EYS: variants seen among roughly 807,000 people sequenced by gnomAD.
EYS encodes protein eyes shut homolog.
Under a neutral mutation model 282.1 loss-of-function variants are expected in EYS, and 250 were observed. The observed-to-expected ratio is 0.89, with a 90% CI of 0.80 to 0.98. The LOEUF is 0.98. Among genes scored for constraint, EYS ranks in the 50% least tolerant of loss-of-function variants. The pLI, the probability that EYS is intolerant of heterozygous loss-of-function variation, is 0.00. For synonymous variants in EYS, 1,355 were observed against 1,282.9 expected, an observed-to-expected ratio of 1.06 and a Z score of -1.20; for missense variants, 4,016 against 3,709.0, an observed-to-expected ratio of 1.08 and a Z score of -2.15.
At chr6:64,294,995 T>C (rs1768862564) in intron 30 of EYS, among the ~76,000 whole-genome samples, 1 of 152,116 alleles carries the variant, frequency 6.6e-6, no homozygotes, top group African/African-American at 2.4e-5. Context: ...CTAATTTTTG[T>C]GGAACACAGT....
chr6:64,680,084 A>G (rs61003267), intron 22 of EYS, among the ~76,000 whole-genome samples: 3,177 of 151,754 alleles, frequency 0.021, 78 homozygotes, highest in East Asian at 0.11. Flanking sequence ...TAGATGATGG[A>G]AAAAAAAACC....
intron 36 of EYS, among the ~76,000 whole-genome samples, chr6:63,811,390 T>C (rs1771042750): frequency 1.3e-5 from 2 of 152,258 alleles, no homozygotes. Context: ...TTATTCAGTG[T>C]CTCAGAAGCA....
At chr6:65,509,107 G>T (rs1440425878) in intron 2 of EYS, among the ~76,000 whole-genome samples, 1 of 152,180 alleles carries the variant, frequency 6.6e-6, no homozygotes, top group Non-Finnish European at 1.5e-5. Flanking sequence ...TAACATAAGA[G>T]GAGTAACGTA....
At chr6:65,027,352 T>C (rs540885557) in intron 13 of EYS, among the ~76,000 whole-genome samples, 3 of 152,178 alleles carry the variant, frequency 2.0e-5, no homozygotes, top group Non-Finnish European at 4.4e-5. Flanking sequence ...TCATTAGAAG[T>C]TTTTGTGACA....
At chr6:64,752,055 G>T (rs367764448) in intron 22 of EYS, among the ~76,000 whole-genome samples, 6 of 151,936 alleles carry the variant, frequency 3.9e-5, no homozygotes, top group Non-Finnish European at 7.4e-5. Context: ...AACAATTCTG[G>T]AACTATGAAA....
chr6:64,733,318 G>C (rs1772038048), intron 22 of EYS: 1 of 170,524 alleles, frequency 5.9e-6, no homozygotes, highest in Non-Finnish European at 1.3e-5. Flanking sequence ...CAGATGGCAG[G>C]CATTTCTGGT....
chr6:64,668,593 AGGCTGGAGTGCAGTG>A (rs1408285631), intron 22 of EYS, among the ~76,000 whole-genome samples: 1 of 116,228 alleles, frequency 8.6e-6, no homozygotes. Context: ...TCTGTCGCCC[AGGCTGGAGTGCAGTG>A]GGCTGGAGTG....
At chr6:63,827,746 A>C (rs1771510984) in intron 36 of EYS, among the ~76,000 whole-genome samples, 2 of 149,926 alleles carry the variant, frequency 1.3e-5, no homozygotes, top group Non-Finnish European at 3.0e-5. Flanking sequence ...TGGGAGGCTG[A>C]GGCAGGAGAA....
rs183967154 is a variant in EYS, at chr6:65,626,473, G to C, written c.-333+13305C>G. Among the ~76,000 whole-genome samples, 7 of 152,262 alleles carry C rather than the reference G, an allele frequency of 4.6e-5. 1 individual carries two copies. Among genetic ancestry groups the C allele is most frequent in the Admixed American group, 4.6e-4 (7 of 15,298 alleles). The stretch of plus-strand genomic sequence containing the variant: ...AGATGATGTACTGTGGAACTCACAT[G>C]ATCCCTCTGATAAGGGTGAGAGTCT... On this transcript the variant is annotated intron_variant, in intron 2 of 42. Transcript: ENST00000503581.
At chr6:64,280,436 C>T (rs142480373) in intron 30 of EYS, among the ~76,000 whole-genome samples, 63 of 152,172 alleles carry the variant, frequency 4.1e-4, no homozygotes, top group African/African-American at 1.4e-3. Context: ...TATGCAAATA[C>T]TATACATGTG....
intron 13 of EYS, among the ~76,000 whole-genome samples, chr6:65,039,332 A>G (rs1317388091): frequency 6.6e-6 from 1 of 151,474 alleles, no homozygotes; most frequent in Non-Finnish European, 1.5e-5. Flanking sequence ...GTGTGGTTCT[A>G]TTTCTGAAAT....
intron 35 of EYS, among the ~76,000 whole-genome samples, chr6:63,963,325 A>T (rs1365858743): frequency 1.3e-5 from 2 of 152,188 alleles, no homozygotes; most frequent in African/African-American, 4.8e-5. Context: ...CATGTAACAA[A>T]GTCATATGAA....
chr6:64,467,244 C>T (rs1335798387), intron 26 of EYS, among the ~76,000 whole-genome samples: 1 of 151,926 alleles, frequency 6.6e-6, no homozygotes, highest in Non-Finnish European at 1.5e-5. Flanking sequence ...AAATAACTAT[C>T]TTATTGGCAA....
intron 13 of EYS, among the ~76,000 whole-genome samples, chr6:65,051,454 G>A (rs557576647): frequency 6.6e-6 from 1 of 151,566 alleles, no homozygotes; most frequent in East Asian, 1.9e-4. Context: ...ATGTATATAT[G>A]TAGCATTCAA....
chr6:65,271,442 C>T (rs1413581475), intron 12 of EYS, among the ~76,000 whole-genome samples: 1 of 151,940 alleles, frequency 6.6e-6, no homozygotes, highest in Non-Finnish European at 1.5e-5. Context: ...CCCAACCACA[C>T]TGGGGAGGGC....
intron 35 of EYS, among the ~76,000 whole-genome samples, chr6:63,940,830 C>G (rs1171202560): frequency 8.6e-6 from 1 of 116,212 alleles, no homozygotes; most frequent in African/African-American, 3.3e-5. Context: ...CTATCCCTCC[C>G]CCCTCCCCCT....
intron 31 of EYS, among the ~76,000 whole-genome samples, chr6:64,113,134 C>T (rs1433645808): frequency 6.6e-6 from 1 of 151,904 alleles, no homozygotes; most frequent in Admixed American, 6.6e-5. Flanking sequence ...ATACAAAGTC[C>T]ATTTGAAACT....
intron 24 of EYS, among the ~76,000 whole-genome samples, chr6:64,598,344 C>T (rs1766654397): frequency 6.6e-6 from 1 of 152,142 alleles, no homozygotes; most frequent in South Asian, 2.1e-4. Flanking sequence ...GTCTGTAGTC[C>T]CAGCTACTCG....
chr6:64,007,293 G>T (rs987428995), intron 33 of EYS, among the ~76,000 whole-genome samples: 1 of 151,386 alleles, frequency 6.6e-6, no homozygotes, highest in Non-Finnish European at 1.5e-5. Context: ...AGTGGTGTTT[G>T]AAGTAGTCTC....
Sources: allele counts gnomAD v4.1 joint callset (sites outside exome capture counted in the v4.1 genomes callset), GRCh38; gene constraint gnomAD v4.1.1; transcripts MANE v1.5; gene names NCBI Gene and HGNC (gene_info 2026-07-23, HGNC 2026-07-21).